The following KIAA0825 variants were observed in gnomAD, a reference collection of about 807,000 sequenced individuals.
The protein encoded by KIAA0825 is uncharacterized protein KIAA0825.
KIAA0825 carries 119 observed loss-of-function variants against 147.6 expected under a neutral mutation model. The observed-to-expected ratio is 0.81, with a 90% CI of 0.69 to 0.94. The LOEUF is 0.94. KIAA0825 is among the 40% of genes least tolerant of loss of function. The pLI, the probability that KIAA0825 is intolerant of heterozygous loss-of-function variation, is 0.00. For missense variants in KIAA0825, 1,381 were observed against 1,472.7 expected, an observed-to-expected ratio of 0.94 and a Z score of 1.02; for synonymous variants, 470 against 518.1, an observed-to-expected ratio of 0.91 and a Z score of 1.26.
At chr5:94,274,505 A>G (rs534024181) in intron 20 of KIAA0825, among the ~76,000 whole-genome samples, 42 of 152,246 alleles carry the variant, frequency 2.8e-4, no homozygotes, top group South Asian at 1.0e-3. Context: ...GAGTCACTAG[A>G]TAAGAGGAAA....
intron 1 of KIAA0825, among the ~76,000 whole-genome samples, chr5:94,602,829 G>GC (rs916246680): frequency 6.8e-6 from 1 of 147,818 alleles, no homozygotes; most frequent in Non-Finnish European, 1.5e-5. Context: ...TCTCGGGTAT[G>GC]CCTTTTTTTT....
chr5:94,520,643 T>A lies in KIAA0825; in HGVS notation c.575A>T (p.Lys192Ile). The A allele has an allele frequency of 6.2e-7, 1 of 1,613,462 alleles. No individual in the cohort carries two copies. The highest frequency in any genetic ancestry group is 8.5e-7 in the Non-Finnish European group (1 of 1,179,540). The change falls in exon 5 of 21, where the codon AAA (lysine) becomes ATA (isoleucine). Residue 192 changes from lysine to isoleucine, a missense_variant. Physicochemically the swap from Lys to Ile is moderately radical, Grantham distance 102. Transcript: ENST00000682413. Reference protein sequence around the residue: ...INNSQQKILLKKQCLQQLLFL... With the variant: ...INNSQQKILLIKQCLQQLLFL... ...CAAGAGTTGTTGTAAGCACTGCTTT[T>A]TCAATAAAATTTTTTGCTGTGAATT...
intron 20 of KIAA0825, among the ~76,000 whole-genome samples, chr5:94,312,298 G>T (rs1779259572): frequency 6.6e-6 from 1 of 151,500 alleles, no homozygotes; most frequent in African/African-American, 2.4e-5. Context: ...ATTCACATTG[G>T]TGATAATATG....
intron 3 of KIAA0825, among the ~76,000 whole-genome samples, chr5:94,527,155 C>T (rs1014782020): frequency 6.6e-6 from 1 of 151,948 alleles, no homozygotes; most frequent in African/African-American, 2.4e-5. Flanking sequence ...TACACTCATG[C>T]ATGTATGGAT....
intron 1 of KIAA0825, among the ~76,000 whole-genome samples, chr5:94,616,845 T>A (rs1239478436): frequency 6.6e-6 from 1 of 152,208 alleles, no homozygotes; most frequent in African/African-American, 2.4e-5. Flanking sequence ...CCACTTGATT[T>A]CTAAATGTGA....
intron 20 of KIAA0825, among the ~76,000 whole-genome samples, chr5:94,156,031 T>C (rs1195428759): frequency 1.3e-5 from 2 of 152,140 alleles, no homozygotes; most frequent in African/African-American, 4.8e-5. Context: ...AGCAGGAAAA[T>C]AAATAATGGA....
chr5:94,246,451 AGGGTGCGTGTGTGCCTTGGGAGAGT>A (rs1352444536), intron 20 of KIAA0825, among the ~76,000 whole-genome samples: 1 of 152,070 alleles, frequency 6.6e-6, no homozygotes, highest in African/African-American at 2.4e-5. Flanking sequence ...GTAACCAGAT[AGGGTGCGTGTGTGCCTTGGGAGAGT>A]GGGTGGGTCA....
chr5:94,251,323 C>G (rs1583964929), intron 20 of KIAA0825, among the ~76,000 whole-genome samples: 1 of 152,092 alleles, frequency 6.6e-6, no homozygotes, highest in East Asian at 1.9e-4. Context: ...TCTCAGATAA[C>G]CCCACACAAA....
chr5:94,494,713 TTATCA>T (rs1764153178), intron 5 of KIAA0825, among the ~76,000 whole-genome samples: 1 of 152,198 alleles, frequency 6.6e-6, no homozygotes, highest in South Asian at 2.1e-4. Flanking sequence ...ATTATATCTC[TTATCA>T]TATGTGTTAC....
chr5:94,433,018 T>C (rs1464067433), intron 14 of KIAA0825, among the ~76,000 whole-genome samples: 1 of 152,072 alleles, frequency 6.6e-6, no homozygotes, highest in African/African-American at 2.4e-5. Context: ...TTTAAGTTGA[T>C]TCATTCATTT....
chr5:94,437,768 C>G (rs927312220), intron 14 of KIAA0825, among the ~76,000 whole-genome samples: 4 of 152,112 alleles, frequency 2.6e-5, no homozygotes, highest in Non-Finnish European at 5.9e-5. Context: ...TCTTATAGGA[C>G]CATGCCTGTG....
At chr5:94,187,305 G>A (rs1038277109) in intron 20 of KIAA0825, among the ~76,000 whole-genome samples, 2 of 149,782 alleles carry the variant, frequency 1.3e-5, no homozygotes, top group African/African-American at 2.5e-5. Flanking sequence ...ATTCAGACAG[G>A]CAGAACTGTT....
At chr5:94,424,259 C>T (rs1414934738) in intron 14 of KIAA0825, among the ~76,000 whole-genome samples, 1 of 152,046 alleles carries the variant, frequency 6.6e-6, no homozygotes, top group Non-Finnish European at 1.5e-5. Context: ...GCACAGGGAA[C>T]ATTCTCCAGG....
chr5:94,417,343 A>G lies in KIAA0825; in HGVS notation c.2520T>C (p.Asn840=). 6.5e-7 allele frequency: 1 copy of G among 1,545,064 alleles called. No individual in the cohort carries two copies. Among genetic ancestry groups the G allele is most frequent in the African/African-American group, 1.4e-5 (1 of 73,034 alleles). Residue 840 remains asparagine (N), a synonymous_variant, in exon 15 of 21, where the codon AAT becomes AAC. Coordinates refer to ENST00000682413, the MANE Select transcript of KIAA0825 (RefSeq NM_001145678.3). ...TCAAGCTGGGTCCTTGGTTCAGGTTATTTTCTGTGTCGGAAACTTGTTCTT... is the reference window on the plus strand; with the variant it reads ...TCAAGCTGGGTCCTTGGTTCAGGTTGTTTTCTGTGTCGGAAACTTGTTCTT... The part of the protein sequence containing the change: ...KSSKQVSDTE[N]NLNQGPSLME...
intron 5 of KIAA0825, among the ~76,000 whole-genome samples, chr5:94,518,657 G>A (rs968948260): frequency 2.6e-5 from 4 of 152,064 alleles, no homozygotes; most frequent in Admixed American, 2.0e-4. Flanking sequence ...TGTCATTAGC[G>A]CAGTGTTTGG....
At chr5:94,524,179 T>C (rs1768811877) in intron 3 of KIAA0825, 81 bp from the exon 4 acceptor site, 1 of 799,714 alleles carries the variant, frequency 1.3e-6, no homozygotes, top group Non-Finnish European at 1.9e-6. Context: ...CCCTGAAATC[T>C]TCATATGTGG....
At position 94,515,791 on chromosome 5, in the gene KIAA0825, C is replaced by CAAAAAAAAAAAAAAAAA. The variant is rs754577018; in HGVS notation, c.970+4456_970+4457insTTTTTTTTTTTTTTTTT. Among the ~76,000 whole-genome samples the CAAAAAAAAAAAAAAAAA allele has an allele frequency of 5.9e-4, 55 of 93,574 alleles. 1 individual carries two copies. The highest frequency in any genetic ancestry group is 2.2e-3 in the African/African-American group (53 of 23,762). 61.4% of individuals were successfully genotyped at this position (93,574 alleles called of 152,430 possible). A position where few individuals can be genotyped will look rare whatever the true frequency, so the allele number is the denominator to read the frequency against. On this transcript the variant is annotated intron_variant, in intron 5 of 20. Coordinates refer to ENST00000682413, the MANE Select transcript of KIAA0825 (RefSeq NM_001145678.3). ...TGGGCAACAGAGGGAGACTCTGTCT[C>CAAAAAAAAAAAAAAAAA]AAAAAAAAAAAAAAAATTAGAGAAA...
chr5:94,348,885 A>G (rs1783314141), intron 20 of KIAA0825, among the ~76,000 whole-genome samples: 1 of 152,182 alleles, frequency 6.6e-6, no homozygotes, highest in African/African-American at 2.4e-5. Context: ...GTTAAAAAGC[A>G]AAAATAAAAT....
chr5:94,477,500 T>C (rs1465607240), intron 6 of KIAA0825, among the ~76,000 whole-genome samples: 2 of 152,020 alleles, frequency 1.3e-5, no homozygotes, highest in Non-Finnish European at 2.9e-5. Flanking sequence ...AAACGTATAA[T>C]CTTCAAAATA....
Sources: allele counts gnomAD v4.1 joint callset (sites outside exome capture counted in the v4.1 genomes callset), GRCh38; gene constraint gnomAD v4.1.1; transcripts MANE v1.5; gene names NCBI Gene and HGNC (gene_info 2026-07-23, HGNC 2026-07-21).